The following EFNA5 variants were observed in gnomAD, a reference collection of about 807,000 sequenced individuals.
EFNA5 encodes the protein ephrin-A5.
Under a neutral mutation model 22.9 loss-of-function variants are expected in EFNA5, and 5 were observed. The observed-to-expected ratio is 0.22, with a 90% CI of 0.11 to 0.46. EFNA5 has a LOEUF of 0.46. EFNA5 is among the 20% of genes least tolerant of loss of function. EFNA5 has a pLI of 0.99. For synonymous variants in EFNA5, 113 were observed against 112.2 expected (o/e 1.01, Z -0.04); for missense variants, 237 against 293.3 (o/e 0.81, Z 1.40).
Position 107,610,540 on chromosome 5 carries a change from C to T in EFNA5, c.125+59949G>A, listed in dbSNP as rs1363143932. On this transcript the variant is annotated intron_variant, in intron 1 of 4. Transcript: ENST00000333274. The stretch of plus-strand genomic sequence containing the variant: ...ACTTTGTCTCTATGAAGGCAGACTA[C>T]TTGGGGCCACTCTATTCCTTTGATA... Among the ~76,000 whole-genome samples the T allele has an allele frequency of 3.3e-5, 5 of 152,282 alleles. No individual in the cohort carries two copies. The East Asian group carries it at 7.7e-4, about 24-fold the overall frequency.
At position 107,613,363 on chromosome 5, in the gene EFNA5, A is replaced by G. The variant is rs369915706; in HGVS notation, c.125+57126T>C. On this transcript the variant is annotated intron_variant, in intron 1 of 4. Transcript: ENST00000333274. ...AAATGATATGTAAGTTATTAACTAT[A>G]ATATGGCCAATGTAATTACTACCAC... Among the ~76,000 whole-genome samples the G allele has an allele frequency of 1.2e-4, 18 of 152,218 alleles. No homozygotes were observed. In the East Asian group the frequency reaches 2.9e-3, roughly 24 times the overall value.
At chr5:107,457,365 C>T (rs1192135579) in intron 1 of EFNA5, among the ~76,000 whole-genome samples, 1 of 152,028 alleles carries the variant, frequency 6.6e-6, no homozygotes, top group Non-Finnish European at 1.5e-5. Flanking sequence ...CTAGGACCTC[C>T]CACAGTACCA....
intron 1 of EFNA5, among the ~76,000 whole-genome samples, chr5:107,602,648 A>C (rs1248704060): frequency 2.6e-5 from 4 of 152,198 alleles, no homozygotes; most frequent in Non-Finnish European, 5.9e-5. Flanking sequence ...GGCTGGGGAC[A>C]GGACTAATAA....
intron 1 of EFNA5, among the ~76,000 whole-genome samples, chr5:107,472,419 G>A (rs1289040472): frequency 2.0e-5 from 3 of 152,152 alleles, no homozygotes; most frequent in Non-Finnish European, 4.4e-5. Context: ...CACTTTGGAT[G>A]TTAAAAACAC....
intron 2 of EFNA5, among the ~76,000 whole-genome samples, chr5:107,421,632 A>G (rs1188484914): frequency 6.6e-6 from 1 of 152,202 alleles, no homozygotes; most frequent in Non-Finnish European, 1.5e-5. Context: ...TCTTTCTACC[A>G]TCTGATTCGG....
intron 1 of EFNA5, among the ~76,000 whole-genome samples, chr5:107,569,541 AT>A (rs1748739678): frequency 8.0e-6 from 1 of 125,646 alleles, no homozygotes; most frequent in African/African-American, 3.0e-5. Context: ...TTATATATAT[AT>A]GTGTGTATAT....
At chr5:107,453,061 G>T (rs1274462741) in intron 1 of EFNA5, among the ~76,000 whole-genome samples, 1 of 151,820 alleles carries the variant, frequency 6.6e-6, no homozygotes, top group African/African-American at 2.4e-5. Context: ...TGATCTTCTG[G>T]CTTCTTTCTA....
At chr5:107,523,036 A>C (rs1747627348) in intron 1 of EFNA5, among the ~76,000 whole-genome samples, 1 of 152,226 alleles carries the variant, frequency 6.6e-6, no homozygotes, top group African/African-American at 2.4e-5. Context: ...GCAAAGAGAC[A>C]AACTGGCTTA....
chr5:107,638,920 C>T (rs965057242), intron 1 of EFNA5, among the ~76,000 whole-genome samples: 6 of 152,098 alleles, frequency 3.9e-5, no homozygotes, highest in Non-Finnish European at 5.9e-5. Context: ...TGTATACATA[C>T]ATCAAAACAT....
intron 2 of EFNA5, among the ~76,000 whole-genome samples, chr5:107,389,028 C>T (rs746239450): frequency 6.6e-6 from 1 of 152,132 alleles, no homozygotes; most frequent in Non-Finnish European, 1.5e-5. Flanking sequence ...TCTAAATTCA[C>T]CAACTAAATA....
chr5:107,398,275 G>A (rs1173195486), intron 2 of EFNA5, among the ~76,000 whole-genome samples: 1 of 151,982 alleles, frequency 6.6e-6, no homozygotes, highest in Non-Finnish European at 1.5e-5. Context: ...TACTTCCTCT[G>A]GCCACTTGAG....
chr5:107,423,203 A>T (rs185717398), intron 2 of EFNA5, among the ~76,000 whole-genome samples: 119 of 152,296 alleles, frequency 7.8e-4, no homozygotes, highest in African/African-American at 2.4e-3. Flanking sequence ...CAAGAAAAGG[A>T]CCTGGGACTC....
chr5:107,525,157 G>A (rs886895361), intron 1 of EFNA5, among the ~76,000 whole-genome samples: 1 of 152,122 alleles, frequency 6.6e-6, no homozygotes, highest in African/African-American at 2.4e-5. Flanking sequence ...ATGTAAAAAT[G>A]AAGACAATTA....
chr5:107,457,749 C>G (rs1381474972), intron 1 of EFNA5, among the ~76,000 whole-genome samples: 1 of 152,144 alleles, frequency 6.6e-6, no homozygotes, highest in Non-Finnish European at 1.5e-5. Flanking sequence ...TATGGGAATG[C>G]TCTGTACTAT....
chr5:107,523,091 C>CGTTT (rs377369733), intron 1 of EFNA5, among the ~76,000 whole-genome samples: 57 of 152,140 alleles, frequency 3.7e-4, no homozygotes, highest in Middle Eastern at 3.4e-3. Context: ...ACTGTTTTTT[C>CGTTT]GTTTGTTTGT....
chr5:107,544,387 T>C (rs906844381), intron 1 of EFNA5, among the ~76,000 whole-genome samples: 16 of 152,174 alleles, frequency 1.1e-4, no homozygotes, highest in Non-Finnish European at 2.4e-4. Flanking sequence ...CTTGAACACC[T>C]GAGGACCAGG....
At chr5:107,455,656 C>T (rs1749678864) in intron 1 of EFNA5, among the ~76,000 whole-genome samples, 1 of 152,152 alleles carries the variant, frequency 6.6e-6, no homozygotes, top group Admixed American at 6.6e-5. Context: ...ATTAGAACAA[C>T]AGCAAAAAAT....
chr5:107,502,620 C>T (rs1747161396), intron 1 of EFNA5, among the ~76,000 whole-genome samples: 1 of 152,184 alleles, frequency 6.6e-6, no homozygotes, highest in Non-Finnish European at 1.5e-5. Flanking sequence ...CACATACATA[C>T]ATACTCAGGA....
intron 1 of EFNA5, among the ~76,000 whole-genome samples, chr5:107,503,769 T>A (rs1727424916): frequency 6.6e-6 from 1 of 152,232 alleles, no homozygotes; most frequent in South Asian, 2.1e-4. Context: ...TAACCATTAA[T>A]ATTTTTTATT....
Sources: allele counts gnomAD v4.1 joint callset (sites outside exome capture counted in the v4.1 genomes callset), GRCh38; gene constraint gnomAD v4.1.1; transcripts MANE v1.5; gene names NCBI Gene and HGNC (gene_info 2026-07-23, HGNC 2026-07-21).